ADH1C: variants seen among roughly 807,000 people sequenced by gnomAD.
The protein encoded by ADH1C is alcohol dehydrogenase 1C.
Under a neutral mutation model 35.0 loss-of-function variants are expected in ADH1C, and 26 were observed. That is an observed-to-expected ratio of 0.74 (90% confidence interval 0.54 to 1.03). The LOEUF is 1.03. Among genes scored for constraint, ADH1C ranks in the 50% least tolerant of loss-of-function variants. ADH1C has a pLI of 0.00. For synonymous variants in ADH1C, 170 were observed against 169.3 expected, an observed-to-expected ratio of 1.00 and a Z score of -0.03; for missense variants, 413 against 465.4, an observed-to-expected ratio of 0.89 and a Z score of 1.04.
chr4:99,348,343 T>C (rs1487494753), intron 1 of ADH1C, among the ~76,000 whole-genome samples: 3 of 149,322 alleles, frequency 2.0e-5, no homozygotes, highest in Non-Finnish European at 3.0e-5. Context: ...GATCTCATTG[T>C]TCAATTTCCA....
At chr4:99,347,887 C>A in intron 1 of ADH1C, 41 bp from the exon 2 acceptor site, 3 of 1,607,468 alleles carry the variant, frequency 1.9e-6, no homozygotes, top group Non-Finnish European at 2.6e-6. Context: ...TGTTTTCCCA[C>A]GCTTGCAGTC....
At chr4:99,347,221 A>T (rs1004787403) in intron 2 of ADH1C, 77 bp from the exon 3 acceptor site, 2 of 1,518,512 alleles carry the variant, frequency 1.3e-6, no homozygotes, top group Admixed American at 4.6e-5. Flanking sequence ...CCAATTTTCT[A>T]AAATTGTTAT....
At chr4:99,350,460 T>G (rs1038787096) in intron 1 of ADH1C, among the ~76,000 whole-genome samples, 1 of 151,824 alleles carries the variant, frequency 6.6e-6, no homozygotes, top group Non-Finnish European at 1.5e-5. Flanking sequence ...CCTCATAGCT[T>G]AGCTCCCACT....
intron 3 of ADH1C, 68 bp from the exon 4 acceptor site, chr4:99,345,334 C>A: frequency 3.5e-6 from 5 of 1,419,192 alleles, no homozygotes; most frequent in Non-Finnish European, 4.9e-6. Context: ...AAACTTAACG[C>A]TCACATGTAT....
intron 1 of ADH1C, 77 bp from the exon 2 acceptor site, chr4:99,347,923 A>G: frequency 6.5e-7 from 1 of 1,527,384 alleles, no homozygotes; most frequent in Non-Finnish European, 9.0e-7. Flanking sequence ...TCATCTTTGT[A>G]CATGCAACAT....
Position 99,343,061 on chromosome 4 carries a change from T to C in ADH1C, c.568-6A>G, listed in dbSNP as rs1192975386. The C allele has an allele frequency of 4.4e-6, 7 of 1,606,032 alleles. No individual in the cohort carries two copies. Among genetic ancestry groups the C allele is most frequent in the Non-Finnish European group, 5.1e-6 (6 of 1,176,928 alleles). Reference sequence around the variant, plus strand: ...CAGGTAGACCCTGGGGTGACCTATGTTTTCAGAAAATGCAAAAATGAATTA... The same window carrying C: ...CAGGTAGACCCTGGGGTGACCTATGCTTTCAGAAAATGCAAAAATGAATTA... On this transcript the variant is annotated splice_region_variant and splice_polypyrimidine_tract_variant and intron_variant, in intron 5 of 8. Coordinates refer to ENST00000515683, the MANE Select transcript of ADH1C (RefSeq NM_000669.5).
Position 99,342,821 on chromosome 4 carries a change from C to A in ADH1C, c.802G>T (p.Glu268Ter), listed in dbSNP as rs1395485774. Residue 268 changes from glutamate to a stop codon, truncating the protein, a stop_gained, in exon 6 of 9, where the codon GAA (glutamate) becomes TAA (stop). Coordinates refer to ENST00000515683, the MANE Select transcript of ADH1C (RefSeq NM_000669.5). LOFTEE classifies it high-confidence loss of function. ...MTDGGVDFSF[E>*]VIGRLDTMMA... ...ATGGTGTCAAGCCGACCGATGACTT[C>A]AAACGAAAAATCCACACCTCCATCA... The A allele has an allele frequency of 6.2e-7, 1 of 1,614,022 alleles. No individual in the cohort carries two copies. Among genetic ancestry groups the A allele is most frequent in the Non-Finnish European group, 8.5e-7 (1 of 1,179,884 alleles).
chr4:99,339,540 A>T, intron 8 of ADH1C, 37 bp downstream of exon 8: 4 of 1,357,946 alleles, frequency 2.9e-6, no homozygotes, highest in Non-Finnish European at 3.0e-6. Context: ...GCTACTGTAG[A>T]ATACAAAGCA....
At position 99,344,994 on chromosome 4, in the gene ADH1C, G is replaced by A; in HGVS notation, c.435C>T (p.Ser145=). ...CCACCACTGTGTACTGGGAGAAGGT[G>A]CTGACGCCGACGAAGTGGTGGATGG... is the stretch of plus-strand genomic sequence containing the variant. ...GKPIHHFVGV[S]TFSQYTVVDE... Residue 145 remains serine (S), a synonymous_variant, in exon 5 of 9, where the codon AGC becomes AGT. Transcript: ENST00000515683. The A allele has an allele frequency of 6.2e-7, 1 of 1,614,190 alleles. No individual in the cohort carries two copies. Among genetic ancestry groups the A allele is most frequent in the Non-Finnish European group, 8.5e-7 (1 of 1,180,038 alleles).
Position 99,347,021 on chromosome 4 carries a change from T to C in ADH1C, c.244A>G (p.Thr82Ala). Residue 82 changes from threonine to alanine, a missense_variant, in exon 3 of 9, where the codon ACT becomes GCT. Thr to Ala is a moderately conservative substitution (Grantham distance 58). Transcript: ENST00000515683. Reference protein sequence around the residue: ...GIVESVGEGVTTVKPGDKVIP... With the variant: ...GIVESVGEGVATVKPGDKVIP... ...AATCCTGTACCTGGTTTGACTGTAG[T>C]CACCCCTTCTCCAACACTTTCCACG... 1.2e-6 allele frequency: 2 copies of C among 1,614,046 alleles called. No homozygotes were observed. Among genetic ancestry groups the C allele is most frequent in the Non-Finnish European group, 1.7e-6 (2 of 1,179,956 alleles).
Position 99,336,543 on chromosome 4 carries a change from C to G in ADH1C, c.*209G>C, listed in dbSNP as rs961142989. 9 of 644,286 alleles carry G rather than the reference C, an allele frequency of 1.4e-5. No individual in the cohort carries two copies. Among genetic ancestry groups the G allele is most frequent in the Non-Finnish European group, 2.4e-5 (9 of 377,710 alleles). 39.9% of individuals were successfully genotyped at this position (644,286 alleles called of 1,614,324 possible). A position where few individuals can be genotyped will look rare whatever the true frequency, so the allele number is the denominator to read the frequency against. ...TGGCTTCAATTCCCCAGTTGATGTT[C>G]AACACTTTATTTAGTTCTCATTTGG... On this transcript the variant is annotated 3_prime_UTR_variant, in exon 9 of 9. Coordinates refer to ENST00000515683, the MANE Select transcript of ADH1C (RefSeq NM_000669.5).
In ADH1C at chr4:99,342,834, C is replaced by T. The variant is rs1474962415; in HGVS notation, c.789G>A (p.Val263=). ...GACCGATGACTTCAAACGAAAAATC[C>T]ACACCTCCATCAGTCATTTCCTTTA... The part of the protein sequence containing the change: ...EVLKEMTDGG[V]DFSFEVIGRL... Residue 263 remains valine (V), a synonymous_variant, in exon 6 of 9, where the codon GTG becomes GTA. Coordinates refer to ENST00000515683, the MANE Select transcript of ADH1C (RefSeq NM_000669.5). 6.2e-7 allele frequency: 1 copy of T among 1,613,882 alleles called. No individual in the cohort carries two copies. The highest frequency in any genetic ancestry group is 2.2e-5 in the East Asian group (1 of 44,904).
chr4:99,340,708 C>A lies in ADH1C; in HGVS notation c.831G>T (p.Met277Ile). Residue 277 changes from methionine (M) to isoleucine (I), a missense_variant and splice_region_variant, in exon 7 of 9, where the codon ATG (methionine) becomes ATT (isoleucine). Met to Ile is a conservative substitution (Grantham distance 10). Transcript: ENST00000515683. ...CCTCATGACAACATAACAGGGAAGC[C>A]ATCTGGAATAAAGTGAACATTTAGT... is the stretch of plus-strand genomic sequence containing the variant. Reference protein sequence around the residue: ...FEVIGRLDTMMASLLCCHEAC... With the variant: ...FEVIGRLDTMIASLLCCHEAC... 6.2e-7 allele frequency: 1 copy of A among 1,612,416 alleles called. No individual in the cohort carries two copies. The highest frequency in any genetic ancestry group is 8.5e-7 in the Non-Finnish European group (1 of 1,179,990).
At chr4:99,351,057 G>C in intron 1 of ADH1C, 1 of 152,276 alleles carries the variant, frequency 6.6e-6, no homozygotes, top group Non-Finnish European at 1.5e-5. Flanking sequence ...AGAATCACTT[G>C]AACCCGGGAG....
At chr4:99,349,745 C>G (rs934291731) in intron 1 of ADH1C, among the ~76,000 whole-genome samples, 6 of 152,046 alleles carry the variant, frequency 3.9e-5, no homozygotes, top group Admixed American at 2.6e-4. Context: ...GAGACTCCTT[C>G]CAGCTTAGAT....
rs200695425 is a variant in ADH1C at position 99,343,945 on chromosome 4, AT to A, written c.568-891del. Among the ~76,000 whole-genome samples, 59 of 152,252 alleles carry A rather than the reference AT, an allele frequency of 3.9e-4. 1 individual carries two copies. In the East Asian group the frequency reaches 9.8e-3, roughly 25 times the overall value. On this transcript the variant is annotated intron_variant, in intron 5 of 8. Transcript: ENST00000515683. ...TTCTTATATTCCCTTAAGGGTGTCT[AT>A]TTCACTCATTCATTCACCAAGTGTT...
chr4:99,338,393 T>TTATATATATATATA lies in ADH1C; in HGVS notation c.1103+1183_1103+1184insTATATATATATATA, dbSNP rs1334509876. On this transcript the variant is annotated intron_variant, in intron 8 of 8. Coordinates refer to ENST00000515683, the MANE Select transcript of ADH1C (RefSeq NM_000669.5). ...TAATTAACCTTTGATGAATACTGTT[T>TTATATATATATATA]TCTATATATATATATATATATATAT... Among the ~76,000 whole-genome samples, 52 of 73,088 alleles carry TTATATATATATATA rather than the reference T, an allele frequency of 7.1e-4. 11 individuals are homozygous for TTATATATATATATA. Among genetic ancestry groups the TTATATATATATATA allele is most frequent in the African/African-American group, 1.1e-3 (20 of 18,330 alleles). The allele number at this position is 73,088 out of a possible 152,430, so 47.9% of individuals were successfully genotyped here.
At chr4:99,350,507 C>CTGAGTTACT (rs1734649594) in intron 1 of ADH1C, among the ~76,000 whole-genome samples, 1 of 152,096 alleles carries the variant, frequency 6.6e-6, no homozygotes, top group Non-Finnish European at 1.5e-5. Context: ...TTTTCCATTC[C>CTGAGTTACT]TGAGTTACTT....
chr4:99,339,837 GATA>G (rs1734372610), intron 7 of ADH1C, 122 bp from the exon 8 acceptor site: 2 of 897,856 alleles, frequency 2.2e-6, no homozygotes, highest in Non-Finnish European at 3.4e-6. Flanking sequence ...TATAACTGAG[GATA>G]ATAAGAGATA....
Sources: gnomAD v4.1 joint callset for allele counts (sites outside exome capture counted in the v4.1 genomes callset) on GRCh38, gnomAD v4.1.1 for gene constraint, MANE v1.5 for transcripts, NCBI Gene and HGNC (gene_info 2026-07-23, HGNC 2026-07-21) for gene names.